The following ABHD17B variants were observed in gnomAD, a reference collection of about 807,000 sequenced individuals.
ABHD17B encodes abhydrolase domain containing 17B, depalmitoylase.
ABHD17B carries 9 observed loss-of-function variants against 26.2 expected under a neutral mutation model. The observed-to-expected ratio is 0.34, with a 90% CI of 0.21 to 0.60. ABHD17B has a LOEUF of 0.60. ABHD17B is among the 20% of genes least tolerant of loss of function. ABHD17B has a pLI of 0.80. For synonymous variants in ABHD17B, 127 were observed against 122.3 expected, an observed-to-expected ratio of 1.04 and a Z score of -0.25; for missense variants, 224 against 352.1, an observed-to-expected ratio of 0.64 and a Z score of 2.91.
rs140581713 is a variant in ABHD17B at position 71,898,390 on chromosome 9, G to A, written c.-4+12244C>T. Among the ~76,000 whole-genome samples the A allele has an allele frequency of 9.0e-3, 1,374 of 151,878 alleles. 21 individuals carry two copies. The highest frequency in any genetic ancestry group is 0.031 in the African/African-American group (1,271 of 41,362). On this transcript the variant is annotated intron_variant, in intron 1 of 3. Coordinates refer to ENST00000333421, the MANE Select transcript of ABHD17B (RefSeq NM_001025780.3). ...CTCACGCCTGTAATCCAAGCACTTT[G>A]GGAGGCCGAGGTGGGCAGATCACCT... is the stretch of plus-strand genomic sequence containing the variant.
chr9:71,890,283 CTGTCACA>C (rs1826744420), intron 1 of ABHD17B, among the ~76,000 whole-genome samples: 4 of 152,000 alleles, frequency 2.6e-5, no homozygotes, highest in Non-Finnish European at 2.9e-5. Context: ...GAGCTGGACT[CTGTCACA>C]CAGACACACA....
At chr9:71,899,156 A>G (rs1213176910) in intron 1 of ABHD17B, among the ~76,000 whole-genome samples, 1 of 152,152 alleles carries the variant, frequency 6.6e-6, no homozygotes, top group Non-Finnish European at 1.5e-5. Flanking sequence ...AGTAGCAACA[A>G]TACAAGCAAA....
At chr9:71,881,210 T>C (rs1826432798) in intron 1 of ABHD17B, among the ~76,000 whole-genome samples, 1 of 152,220 alleles carries the variant, frequency 6.6e-6, no homozygotes, top group African/African-American at 2.4e-5. Context: ...CAGTTGATTT[T>C]TGACAAGAGT....
At chr9:71,877,480 C>T (rs910613967) in intron 1 of ABHD17B, among the ~76,000 whole-genome samples, 1 of 152,198 alleles carries the variant, frequency 6.6e-6, no homozygotes, top group African/African-American at 2.4e-5. Flanking sequence ...TGCAGTGGTG[C>T]GATCTTGGCT....
chr9:71,874,361 G>C (rs1244185202), intron 2 of ABHD17B, among the ~76,000 whole-genome samples: 1 of 151,252 alleles, frequency 6.6e-6, no homozygotes, highest in Non-Finnish European at 1.5e-5. Context: ...AAGAATTTAA[G>C]TTAAAAAAAA....
At chr9:71,891,831 C>T (rs1826793214) in intron 1 of ABHD17B, among the ~76,000 whole-genome samples, 1 of 152,174 alleles carries the variant, frequency 6.6e-6, no homozygotes, top group Admixed American at 6.5e-5. Flanking sequence ...CCAGAAGATA[C>T]TTTACAAATA....
At chr9:71,862,655 T>A (rs1325075559), downstream of ABHD17B, 1 of 859,156 alleles carries the variant, frequency 1.2e-6, no homozygotes. Flanking sequence ...GTTTTCATAA[T>A]CTGAGTTTAT....
At chr9:71,881,218 A>G (rs1008875557) in intron 1 of ABHD17B, among the ~76,000 whole-genome samples, 1 of 152,214 alleles carries the variant, frequency 6.6e-6, no homozygotes, top group Non-Finnish European at 1.5e-5. Flanking sequence ...TTTTGACAAG[A>G]GTGCCAAAAC....
At chr9:71,906,885 C>T (rs1394835522) in intron 1 of ABHD17B, among the ~76,000 whole-genome samples, 1 of 152,080 alleles carries the variant, frequency 6.6e-6, no homozygotes, top group Non-Finnish European at 1.5e-5. Context: ...AACAAGCTCC[C>T]AAGGGATTCT....
rs2132115139 is a variant in ABHD17B at position 71,865,186 on chromosome 9, AC to A, written c.*1600del. ...TATTTGTTGTTTTACTGTTAATTTG[AC>A]ACATCTGAACCAAAGCATTCACAAT... On this transcript the variant is annotated 3_prime_UTR_variant, in exon 4 of 4. Transcript: ENST00000333421. 3.0e-6 allele frequency: 3 copies of A among 985,560 alleles called. No individual in the cohort carries two copies. Among genetic ancestry groups the A allele is most frequent in the South Asian group, 9.4e-5 (2 of 21,288 alleles). 61.1% of individuals were successfully genotyped at this position (985,560 alleles called of 1,614,324 possible).
chr9:71,908,007 C>T (rs1033827607), intron 1 of ABHD17B, among the ~76,000 whole-genome samples: 4 of 152,160 alleles, frequency 2.6e-5, no homozygotes, highest in Non-Finnish European at 5.9e-5. Flanking sequence ...AGAGAAGACC[C>T]AAGTTCAAGC....
chr9:71,902,568 T>C (rs986210856), intron 1 of ABHD17B: 5 of 152,232 alleles, frequency 3.3e-5, no homozygotes, highest in African/African-American at 4.8e-5. Flanking sequence ...ATTTGATTAA[T>C]AAAAGTGACA....
chr9:71,902,935 G>C (rs1007044825), intron 1 of ABHD17B, among the ~76,000 whole-genome samples: 115 of 152,204 alleles, frequency 7.6e-4, no homozygotes, highest in African/African-American at 2.6e-3. Context: ...TGTTCCTGGA[G>C]GCACTTGCTT....
intron 1 of ABHD17B, among the ~76,000 whole-genome samples, chr9:71,909,092 T>C (rs1051324582): frequency 1.1e-4 from 17 of 152,178 alleles, no homozygotes; most frequent in African/African-American, 4.1e-4. Flanking sequence ...TTCATAAACA[T>C]TTCAAAATGG....
intron 1 of ABHD17B, among the ~76,000 whole-genome samples, chr9:71,892,564 A>C (rs549478523): frequency 1.5e-4 from 23 of 151,722 alleles, no homozygotes; most frequent in South Asian, 8.3e-4. Flanking sequence ...AACAAAAAAC[A>C]CAAAGCTCCT....
chr9:71,883,380 C>T (rs942393), intron 1 of ABHD17B, among the ~76,000 whole-genome samples: 142,347 of 152,152 alleles, frequency 0.94, 67,244 homozygotes, highest in East Asian at 1. Context: ...AGTAACAGAG[C>T]TTATGAATAA....
intron 1 of ABHD17B, among the ~76,000 whole-genome samples, chr9:71,877,075 A>G (rs1826298752): frequency 6.6e-6 from 1 of 152,236 alleles, no homozygotes. Flanking sequence ...AGGCATACAC[A>G]GGGCTTAGCC....
chr9:71,870,185 C>T lies in ABHD17B; in HGVS notation c.545G>A (p.Arg182Gln), dbSNP rs763057884. Residue 182 changes from arginine (R) to glutamine (Q), a missense_variant, in exon 3 of 4, where the codon CGA (arginine) becomes CAA (glutamine). Physicochemically the swap from Arg to Gln is conservative, Grantham distance 43. Coordinates refer to ENST00000333421, the MANE Select transcript of ABHD17B (RefSeq NM_001025780.3). ...AAGAATAACAGCAGCACTCTCATATCGAGCAGCAAGATCCACAGACGGTAC... is the reference window on the plus strand; with the variant it reads ...AAGAATAACAGCAGCACTCTCATATTGAGCAGCAAGATCCACAGACGGTAC... Reference protein sequence around the residue: ...GTVPSVDLAARYESAAVILHS... With the variant: ...GTVPSVDLAAQYESAAVILHS... 1.9e-6 allele frequency: 3 copies of T among 1,614,066 alleles called. No individual in the cohort carries two copies. The highest frequency in any genetic ancestry group is 2.2e-5 in the East Asian group (1 of 44,878).
chr9:71,863,973 G>GT (rs1825887670), downstream of ABHD17B, among the ~76,000 whole-genome samples: 1 of 152,090 alleles, frequency 6.6e-6, no homozygotes, highest in Admixed American at 6.6e-5. Context: ...ACAGCACTTT[G>GT]TGTATCATTT....
Sources: gnomAD v4.1 joint callset for allele counts (sites outside exome capture counted in the v4.1 genomes callset) on GRCh38, gnomAD v4.1.1 for gene constraint, MANE v1.5 for transcripts, NCBI Gene and HGNC (gene_info 2026-07-23, HGNC 2026-07-21) for gene names.